Variants in GLI3 observed in about 807,000 individuals in gnomAD.
The protein encoded by GLI3 is transcription activator GLI3.
In GLI3, 20 loss-of-function variants were observed where a neutral mutation model predicts 100.8. The ratio of observed to expected loss-of-function variants is 0.20; its 90% CI spans 0.14 to 0.29. The LOEUF (loss-of-function observed/expected upper bound fraction) is 0.29. Ranked by LOEUF, GLI3 falls within the 10% of genes least tolerant of loss-of-function variation. The pLI is 1.00. For missense variants in GLI3, 2,040 were observed against 2,128.5 expected (o/e 0.96, Z 0.82); for synonymous variants, 938 against 860.5 (o/e 1.09, Z -1.58).
chr7:42,132,442 T>C (rs1262632182), intron 3 of GLI3, among the ~76,000 whole-genome samples: 6 of 152,194 alleles, frequency 3.9e-5, no homozygotes, highest in Admixed American at 6.5e-5. Context: ...AACTTGTACA[T>C]GATAATTGTC....
chr7:42,131,231 C>T (rs1786266723), intron 3 of GLI3, among the ~76,000 whole-genome samples: 1 of 152,162 alleles, frequency 6.6e-6, no homozygotes, highest in Admixed American at 6.5e-5. Context: ...ATTCCTCGTT[C>T]AGACTTCTCA....
intron 1 of GLI3, among the ~76,000 whole-genome samples, chr7:42,252,261 T>C (rs1010372680): frequency 6.6e-6 from 1 of 152,206 alleles, no homozygotes; most frequent in African/African-American, 2.4e-5. Flanking sequence ...AAATACCGTA[T>C]GTTCTCACTC....
rs1562656256 is a variant in GLI3 at position 41,964,286 on chromosome 7, A to G, written c.*44T>C. ...AAACAAAGTCAGTTTAATCTCTTCA[A>G]CTCCTATTGATTTCCGTTGGTTGCA... On this transcript the variant is annotated 3_prime_UTR_variant, in exon 15 of 15. Coordinates refer to ENST00000395925, the MANE Select transcript of GLI3 (RefSeq NM_000168.6). The G allele has an allele frequency of 1.3e-6, 2 of 1,573,208 alleles. No individual in the cohort carries two copies. The highest frequency in any genetic ancestry group is 2.7e-5 in the African/African-American group (2 of 74,144).
chr7:42,068,868 G>T (rs1175223182), intron 4 of GLI3, among the ~76,000 whole-genome samples: 6 of 152,148 alleles, frequency 3.9e-5, no homozygotes, highest in Admixed American at 2.0e-4. Flanking sequence ...ACCTCAAAGT[G>T]TCTTCCCATC....
intron 4 of GLI3, among the ~76,000 whole-genome samples, chr7:42,051,411 C>A (rs1784349102): frequency 6.6e-6 from 1 of 152,152 alleles, no homozygotes; most frequent in Non-Finnish European, 1.5e-5. Flanking sequence ...CTAGTATATA[C>A]TGAATGCTCA....
At chr7:42,103,995 C>A (rs1785522402) in intron 3 of GLI3, among the ~76,000 whole-genome samples, 1 of 152,184 alleles carries the variant, frequency 6.6e-6, no homozygotes, top group Non-Finnish European at 1.5e-5. Flanking sequence ...GGCCAGCTGA[C>A]TTTCTAGTAT....
chr7:42,015,222 A>G (rs139664193), intron 10 of GLI3, among the ~76,000 whole-genome samples: 2 of 152,280 alleles, frequency 1.3e-5, no homozygotes, highest in East Asian at 3.9e-4. Flanking sequence ...GGAATGAAAG[A>G]CAGATCTCCA....
At chr7:42,090,747 A>G (rs544585925) in intron 3 of GLI3, among the ~76,000 whole-genome samples, 3 of 152,356 alleles carry the variant, frequency 2.0e-5, no homozygotes, top group African/African-American at 7.2e-5. Context: ...AGGGAAAAGA[A>G]AAAAAGTTAC....
rs560183100 is a variant in GLI3, at chr7:42,136,799, T to A, written c.367+11427A>T. Among the ~76,000 whole-genome samples, 137 of 152,284 alleles carry A rather than the reference T, an allele frequency of 9.0e-4. 1 individual carries two copies. Among genetic ancestry groups the A allele is most frequent in the African/African-American group, 3.2e-3 (132 of 41,560 alleles). On this transcript the variant is annotated intron_variant, in intron 3 of 14. Coordinates refer to ENST00000395925, the MANE Select transcript of GLI3 (RefSeq NM_000168.6). ...TGCCTTCCCTGATTCTACACCCTTG[T>A]ACTCCAAGCCCCTGCCCAAAACTGG...
At chr7:42,177,272 G>T (rs1210411967) in intron 2 of GLI3, among the ~76,000 whole-genome samples, 1 of 152,088 alleles carries the variant, frequency 6.6e-6, no homozygotes, top group Non-Finnish European at 1.5e-5. Context: ...GATGCAGAGT[G>T]GGGAGGAGAG....
chr7:42,247,108 A>G (rs887826549), intron 1 of GLI3, among the ~76,000 whole-genome samples: 1 of 152,164 alleles, frequency 6.6e-6, no homozygotes, highest in South Asian at 2.1e-4. Context: ...TAGATGCAGG[A>G]GGAAGAAGGG....
chr7:42,253,719 A>G (rs998524004), intron 1 of GLI3, among the ~76,000 whole-genome samples: 2 of 152,140 alleles, frequency 1.3e-5, no homozygotes, highest in South Asian at 4.1e-4. Context: ...CTTTGTTTAC[A>G]TTAGTTGACT....
intron 2 of GLI3, among the ~76,000 whole-genome samples, chr7:42,150,621 G>T (rs561177692): frequency 6.6e-6 from 1 of 152,220 alleles, no homozygotes; most frequent in South Asian, 2.1e-4. Flanking sequence ...CTTCCTCAGG[G>T]GGGCTCTGAC....
At chr7:42,018,033 G>C (rs1788818822) in intron 10 of GLI3, among the ~76,000 whole-genome samples, 1 of 152,220 alleles carries the variant, frequency 6.6e-6, no homozygotes, top group Non-Finnish European at 1.5e-5. Context: ...TCAGGGCAGA[G>C]ATGGGGCTGC....
intron 2 of GLI3, among the ~76,000 whole-genome samples, chr7:42,206,221 T>C (rs891046041): frequency 6.6e-6 from 1 of 151,938 alleles, no homozygotes; most frequent in African/African-American, 2.4e-5. Flanking sequence ...TGAGCCAAGA[T>C]AGCACTACTG....
At chr7:42,236,779 G>A (rs889075806) in intron 1 of GLI3, among the ~76,000 whole-genome samples, 192 bp downstream of exon 1, 1 of 152,234 alleles carries the variant, frequency 6.6e-6, no homozygotes, top group African/African-American at 2.4e-5. Context: ...GGACCTTCCA[G>A]GAGGAGGGAG....
intron 10 of GLI3, among the ~76,000 whole-genome samples, chr7:41,979,837 T>C (rs1406472834): frequency 6.6e-6 from 1 of 152,192 alleles, no homozygotes; most frequent in African/African-American, 2.4e-5. Flanking sequence ...TTTGGCTCCA[T>C]GCCTCGTGTG....
chr7:42,139,671 C>T (rs942455543), intron 3 of GLI3, among the ~76,000 whole-genome samples: 1 of 152,174 alleles, frequency 6.6e-6, no homozygotes, highest in Non-Finnish European at 1.5e-5. Context: ...AAGAGCGAAA[C>T]TCCATCTCAA....
intron 3 of GLI3, among the ~76,000 whole-genome samples, chr7:42,108,344 G>C (rs1198673507): frequency 2.0e-5 from 3 of 152,006 alleles, no homozygotes; most frequent in Non-Finnish European, 2.9e-5. Context: ...CCTCCCTCTA[G>C]AGTCATGACC....
Sources: allele counts gnomAD v4.1 joint callset (sites outside exome capture counted in the v4.1 genomes callset), GRCh38; gene constraint gnomAD v4.1.1; transcripts MANE v1.5; gene names NCBI Gene and HGNC (gene_info 2026-07-23, HGNC 2026-07-21).